LTBP1: variants seen among roughly 807,000 people sequenced by gnomAD.
LTBP1 encodes the protein latent transforming growth factor beta binding protein 1.
LTBP1 carries 129 observed loss-of-function variants against 207.6 expected under a neutral mutation model. The observed-to-expected ratio is 0.62, with a 90% CI of 0.54 to 0.72. The LOEUF (loss-of-function observed/expected upper bound fraction) is 0.72, where lower values mean the gene tolerates loss of function less well. Among genes scored for constraint, LTBP1 ranks in the 30% least tolerant of loss-of-function variants. The probability of loss-of-function intolerance (pLI) is 0.00; values close to 1 mark genes in which losing one functional copy is unlikely to be tolerated. For synonymous variants in LTBP1, 963 were observed against 833.7 expected (o/e 1.16, Z -2.67); for missense variants, 2,281 against 2,217.2 (o/e 1.03, Z -0.58).
In LTBP1 at chr2:32,959,423, T is replaced by C. The variant is rs139364845; in HGVS notation, c.565+10478T>C. ...AAATATGATAATAAAGTAAGGAAAA[T>C]AGAAGGATAAGGATCTTTTGTCTTT... On this transcript the variant is annotated intron_variant, in intron 2 of 33. Transcript: ENST00000404816. 4.7e-3 allele frequency among the ~76,000 whole-genome samples: 715 copies of C among 151,706 alleles called. 5 individuals carry two copies. Among genetic ancestry groups the C allele is most frequent in the African/African-American group, 0.017 (691 of 41,326 alleles).
intron 31 of LTBP1, among the ~76,000 whole-genome samples, chr2:33,369,762 C>T (rs761989542): frequency 1.2e-4 from 19 of 152,114 alleles, no homozygotes; most frequent in South Asian, 2.1e-4. Flanking sequence ...ACCAAAATTA[C>T]GGACCTAGAA....
chr2:33,348,039 C>T (rs1193607793), intron 26 of LTBP1, among the ~76,000 whole-genome samples: 1 of 152,160 alleles, frequency 6.6e-6, no homozygotes, highest in Non-Finnish European at 1.5e-5. Flanking sequence ...TAGGCTGTGT[C>T]GTCACTGTGC....
At chr2:33,373,478 G>GT (rs2095096403) in intron 31 of LTBP1, among the ~76,000 whole-genome samples, 1 of 152,006 alleles carries the variant, frequency 6.6e-6, no homozygotes, top group African/African-American at 2.4e-5. Context: ...TAGGCACTTA[G>GT]TGAGGATCTG....
intron 3 of LTBP1, among the ~76,000 whole-genome samples, chr2:33,032,239 A>C (rs1041922282): frequency 6.6e-6 from 1 of 152,192 alleles, no homozygotes; most frequent in Non-Finnish European, 1.5e-5. Context: ...CCTAGACTCA[A>C]ATTCATCAAC....
At chr2:33,393,435 TC>T (rs2095333219) in intron 32 of LTBP1, among the ~76,000 whole-genome samples, 1 of 115,236 alleles carries the variant, frequency 8.7e-6, no homozygotes, top group African/African-American at 3.2e-5. Flanking sequence ...AAGCTATCCC[TC>T]CCCCCTCCCC....
chr2:32,972,793 C>T (rs1681112891), intron 2 of LTBP1, among the ~76,000 whole-genome samples: 1 of 152,132 alleles, frequency 6.6e-6, no homozygotes, highest in Non-Finnish European at 1.5e-5. Flanking sequence ...TAAGATGTGC[C>T]TTGCTTCCCC....
intron 5 of LTBP1, among the ~76,000 whole-genome samples, chr2:33,157,047 G>A (rs2084033267): frequency 6.6e-6 from 1 of 152,234 alleles, no homozygotes; most frequent in African/African-American, 2.4e-5. Flanking sequence ...CTGAAGAGCA[G>A]AGGTTTTGTT....
intron 3 of LTBP1, among the ~76,000 whole-genome samples, chr2:33,080,855 C>T (rs549775411): frequency 2.6e-4 from 40 of 152,262 alleles, no homozygotes; most frequent in Non-Finnish European, 8.8e-5. Flanking sequence ...CACATATATG[C>T]ATATATGGTA....
intron 2 of LTBP1, among the ~76,000 whole-genome samples, chr2:32,991,815 C>G (rs1255174065): frequency 6.6e-6 from 1 of 152,182 alleles, no homozygotes; most frequent in Non-Finnish European, 1.5e-5. Flanking sequence ...TTAGCCTGCA[C>G]TTGAATCTTT....
intron 7 of LTBP1, among the ~76,000 whole-genome samples, chr2:33,215,903 C>A (rs1458775539): frequency 6.6e-6 from 1 of 151,862 alleles, no homozygotes; most frequent in Non-Finnish European, 1.5e-5. Context: ...TTAGTAGAGA[C>A]AGGGTTTCAC....
intron 1 of LTBP1, 80 bp downstream of exon 1, chr2:32,947,898 C>T (rs927792239): frequency 2.5e-6 from 3 of 1,192,130 alleles, no homozygotes; most frequent in Non-Finnish European, 3.2e-6. Flanking sequence ...CAGGGCCACT[C>T]GGAGCCCCGC....
intron 7 of LTBP1, among the ~76,000 whole-genome samples, chr2:33,209,985 A>G (rs1401777215): frequency 6.6e-6 from 1 of 152,240 alleles, no homozygotes; most frequent in Non-Finnish European, 1.5e-5. Flanking sequence ...GGAGGTGGTA[A>G]TTGGTAAAGT....
intron 24 of LTBP1, among the ~76,000 whole-genome samples, chr2:33,330,955 A>T (rs1011266179): frequency 6.6e-6 from 1 of 151,966 alleles, no homozygotes. Flanking sequence ...TAATAGATAA[A>T]ATAATATTCA....
chr2:33,394,708 C>A (rs113213161), intron 32 of LTBP1, among the ~76,000 whole-genome samples: 138 of 152,288 alleles, frequency 9.1e-4, no homozygotes, highest in African/African-American at 3.2e-3. Context: ...GTTACTGTAG[C>A]CTTGTAGTAT....
chr2:33,151,969 G>T (rs149621567), intron 5 of LTBP1, among the ~76,000 whole-genome samples: 1 of 151,934 alleles, frequency 6.6e-6, no homozygotes, highest in Non-Finnish European at 1.5e-5. Flanking sequence ...ATAAACATGC[G>T]TGTGCAAGTT....
chr2:33,206,782 G>A (rs1573180697), intron 7 of LTBP1, among the ~76,000 whole-genome samples: 2 of 151,486 alleles, frequency 1.3e-5, no homozygotes, highest in South Asian at 4.2e-4. Context: ...AGGCATTTAT[G>A]TTCATCATTT....
rs1233013589 is a variant in LTBP1 at position 33,118,209 on chromosome 2, A to AC, written c.1033+7458_1033+7459insC. Among the ~76,000 whole-genome samples the AC allele has an allele frequency of 9.0e-3, 1,363 of 151,690 alleles. 13 individuals carry two copies. The highest frequency in any genetic ancestry group is 0.015 in the East Asian group (76 of 5,166). On this transcript the variant is annotated intron_variant, in intron 4 of 33. Coordinates refer to ENST00000404816, the MANE Select transcript of LTBP1 (RefSeq NM_206943.4). ...TGTGTGCAAAAAAAAAAAAACAAAA[A>AC]AAAAACAACAAAAAAAACTGTCTTT...
At chr2:33,008,816 C>A (rs1687285493) in intron 2 of LTBP1, among the ~76,000 whole-genome samples, 1 of 152,174 alleles carries the variant, frequency 6.6e-6, no homozygotes, top group African/African-American at 2.4e-5. Flanking sequence ...GGAAGGGCAG[C>A]CCCAGAGAAG....
chr2:33,100,751 C>T (rs1476031377), intron 3 of LTBP1, among the ~76,000 whole-genome samples: 1 of 152,176 alleles, frequency 6.6e-6, no homozygotes, highest in East Asian at 1.9e-4. Flanking sequence ...GTCTATAAAT[C>T]TGCCTATTTC....
Sources: gnomAD v4.1 joint callset for allele counts (sites outside exome capture counted in the v4.1 genomes callset) on GRCh38, gnomAD v4.1.1 for gene constraint, MANE v1.5 for transcripts, NCBI Gene and HGNC (gene_info 2026-07-23, HGNC 2026-07-21) for gene names.